KIZ: variants seen among roughly 807,000 people sequenced by gnomAD.
KIZ encodes centrosomal protein kizuna.
A neutral mutation model predicts 79.6 loss-of-function variants in KIZ; 68 were observed. The observed-to-expected ratio is 0.85, with a 90% confidence interval of 0.70 to 1.05. The LOEUF (loss-of-function observed/expected upper bound fraction) is 1.05, where lower values mean the gene tolerates loss of function less well. Ranked by LOEUF, KIZ falls within the 50% of genes least tolerant of loss-of-function variation. KIZ has a pLI of 0.00. For synonymous variants in KIZ, 280 were observed against 281.8 expected (o/e 0.99, Z 0.06); for missense variants, 797 against 800.4 (o/e 1.00, Z 0.05).
At chr20:21,203,325 C>T (rs2035670995) in intron 6 of KIZ, among the ~76,000 whole-genome samples, 1 of 152,052 alleles carries the variant, frequency 6.6e-6, no homozygotes, top group Non-Finnish European at 1.5e-5. Flanking sequence ...TCTTTATTAC[C>T]TGTAAACTGG....
chr20:21,237,880 A>C (rs1275953412), intron 11 of KIZ, among the ~76,000 whole-genome samples: 1 of 152,164 alleles, frequency 6.6e-6, no homozygotes, highest in African/African-American at 2.4e-5. Context: ...CCCAGGCTGG[A>C]GTACAGTGAC....
chr20:21,218,758 A>G (rs1328093779), intron 9 of KIZ, among the ~76,000 whole-genome samples: 1 of 152,192 alleles, frequency 6.6e-6, no homozygotes, highest in Non-Finnish European at 1.5e-5. Flanking sequence ...AGTTTCCTCA[A>G]TATGCTAAAA....
At chr20:21,157,195 A>T (rs572956999) in intron 4 of KIZ, among the ~76,000 whole-genome samples, 3 of 152,248 alleles carry the variant, frequency 2.0e-5, no homozygotes, top group Admixed American at 6.5e-5. Flanking sequence ...CAACCTTCCT[A>T]TTGAGTTGAA....
intron 1 of KIZ, among the ~76,000 whole-genome samples, chr20:21,129,551 A>G (rs965866051): frequency 1.7e-4 from 26 of 152,162 alleles, no homozygotes; most frequent in African/African-American, 6.3e-4. Flanking sequence ...CCTGGCCAAC[A>G]TGGCAAAACC....
intron 4 of KIZ, among the ~76,000 whole-genome samples, chr20:21,146,702 A>C (rs1339747996): frequency 6.6e-6 from 1 of 152,222 alleles, no homozygotes; most frequent in East Asian, 1.9e-4. Context: ...TCAGAAAAGA[A>C]ACAGAGGCCA....
intron 6 of KIZ, among the ~76,000 whole-genome samples, chr20:21,188,280 G>A (rs758672201): frequency 3.9e-5 from 6 of 152,130 alleles, no homozygotes; most frequent in African/African-American, 1.4e-4. Context: ...GCACAGAGAC[G>A]CCAAGAAGAA....
At chr20:21,134,517 T>C (rs1236083177) in intron 2 of KIZ, among the ~76,000 whole-genome samples, 1 of 152,158 alleles carries the variant, frequency 6.6e-6, no homozygotes, top group African/African-American at 2.4e-5. Flanking sequence ...CCAATTATTA[T>C]TTATTACAAT....
rs1055813571 is a variant in KIZ, at chr20:21,246,282, G to A, written c.1925-197G>A. The stretch of plus-strand genomic sequence containing the variant: ...AAATTGTTTTCCATAACAGTGCAGA[G>A]GACACACTTTGCAATGTGTAATTTG... On this transcript the variant is annotated intron_variant, in intron 12 of 12. Coordinates refer to ENST00000619189, the MANE Select transcript of KIZ (RefSeq NM_018474.6). The A allele has an allele frequency of 2.0e-5, 12 of 590,440 alleles. No individual in the cohort carries two copies. The Middle Eastern group carries it at 1.0e-3, about 51-fold the overall frequency. 36.6% of individuals were successfully genotyped at this position (590,440 alleles called of 1,614,324 possible). A position where few individuals can be genotyped will look rare whatever the true frequency, so the allele number is the denominator to read the frequency against.
chr20:21,210,033 G>A (rs1032990003), intron 7 of KIZ, among the ~76,000 whole-genome samples: 2 of 152,116 alleles, frequency 1.3e-5, no homozygotes, highest in Non-Finnish European at 2.9e-5. Flanking sequence ...ACATTATGGT[G>A]TATGTTTTTT....
chr20:21,218,401 A>G (rs1007653903), intron 9 of KIZ: 1 of 152,244 alleles, frequency 6.6e-6, no homozygotes, highest in East Asian at 1.9e-4. Context: ...GCTGCCCCAC[A>G]AGTATTGATG....
rs191848321 is a variant in KIZ, at chr20:21,168,270, A to T, written c.1352+5111A>T. On this transcript the variant is annotated intron_variant, in intron 6 of 12. Transcript: ENST00000619189. Reference sequence around the variant, plus strand: ...TGAACTCATCATTTTTTATGGCTGCATAGTATTCCATGGTGTATATGTGCC... The same window carrying T: ...TGAACTCATCATTTTTTATGGCTGCTTAGTATTCCATGGTGTATATGTGCC... Among the ~76,000 whole-genome samples the T allele has an allele frequency of 9.5e-3, 1,454 of 152,282 alleles. 24 individuals carry two copies. Among genetic ancestry groups the T allele is most frequent in the African/African-American group, 0.033 (1,387 of 41,544 alleles).
At chr20:21,239,805 A>AG (rs2037155514) in intron 11 of KIZ, among the ~76,000 whole-genome samples, 1 of 152,220 alleles carries the variant, frequency 6.6e-6, no homozygotes, top group Non-Finnish European at 1.5e-5. Context: ...ATTCTGTTGA[A>AG]GTCCTGGCTG....
chr20:21,212,937 T>C (rs2036129999), intron 7 of KIZ, among the ~76,000 whole-genome samples: 1 of 152,274 alleles, frequency 6.6e-6, no homozygotes, highest in East Asian at 1.9e-4. Flanking sequence ...AACAGAGTTA[T>C]CACAGTGGAG....
At chr20:21,167,657 G>C (rs911455429) in intron 6 of KIZ, among the ~76,000 whole-genome samples, 1 of 151,342 alleles carries the variant, frequency 6.6e-6, no homozygotes, top group African/African-American at 2.4e-5. Flanking sequence ...CACCTCCCGG[G>C]TGCAAGCTAG....
At chr20:21,162,815 A>C in intron 5 of KIZ, 35 bp from the exon 6 acceptor site, 1 of 1,556,454 alleles carries the variant, frequency 6.4e-7, no homozygotes. Flanking sequence ...TCCTGAAGTC[A>C]GTGATTGGTA....
chr20:21,130,191 C>T (rs78660081), intron 1 of KIZ, among the ~76,000 whole-genome samples: 2 of 152,300 alleles, frequency 1.3e-5, no homozygotes, highest in Non-Finnish European at 2.9e-5. Context: ...ACATCTGGAA[C>T]GATTCCTCAG....
In KIZ at chr20:21,207,532, TTCTC is replaced by T. The variant is rs796972920; in HGVS notation, c.1446+1952_1446+1955del. Among the ~76,000 whole-genome samples the T allele has an allele frequency of 3.0e-4, 43 of 141,486 alleles. 1 individual carries two copies. The highest frequency in any genetic ancestry group is 1.1e-3 in the African/African-American group (40 of 37,738). The allele number at this position is 141,486 out of a possible 152,430, so 92.8% of individuals were successfully genotyped here. On this transcript the variant is annotated intron_variant, in intron 7 of 12. Transcript: ENST00000619189. ...ACCCACCTTCTCTCTCTTCTGCTCT[TTCTC>T]TCTTTTCCCTCTTCTCCTCAAACTT...
intron 6 of KIZ, among the ~76,000 whole-genome samples, chr20:21,182,631 A>G (rs2034702469): frequency 6.6e-6 from 1 of 151,964 alleles, no homozygotes; most frequent in Non-Finnish European, 1.5e-5. Flanking sequence ...CCCTATCTCT[A>G]CTAAAAATAC....
chr20:21,241,411 G>A (rs2037211216), intron 11 of KIZ, among the ~76,000 whole-genome samples: 1 of 152,216 alleles, frequency 6.6e-6, no homozygotes, highest in East Asian at 1.9e-4. Flanking sequence ...TTCTCCGTGG[G>A]TAGGCCACGC....
Sources: allele counts gnomAD v4.1 joint callset (sites outside exome capture counted in the v4.1 genomes callset), GRCh38; gene constraint gnomAD v4.1.1; transcripts MANE v1.5; gene names NCBI Gene and HGNC (gene_info 2026-07-23, HGNC 2026-07-21).